Variants in BMPR1B observed in about 807,000 individuals in gnomAD.
BMPR1B encodes bone morphogenetic protein receptor type 1B, also known as bone morphogenetic protein receptor type-1B.
BMPR1B carries 12 observed loss-of-function variants against 59.1 expected under a neutral mutation model. That is an observed-to-expected ratio of 0.20 (90% CI 0.13 to 0.33). BMPR1B has a LOEUF of 0.33. BMPR1B is among the 10% of genes least tolerant of loss of function. The pLI is 1.00. For missense variants in BMPR1B, 550 were observed against 610.9 expected (o/e 0.90, Z 1.05); for synonymous variants, 237 against 207.3 (o/e 1.14, Z -1.23).
intron 1 of BMPR1B, among the ~76,000 whole-genome samples, chr4:94,780,893 T>A (rs925236170): frequency 2.6e-5 from 4 of 152,032 alleles, no homozygotes; most frequent in Non-Finnish European, 4.4e-5. Flanking sequence ...TTTCACCGTG[T>A]TAGCCAGGAT....
In BMPR1B at chr4:94,911,678, C is replaced by T. The variant is rs544570320; in HGVS notation, c.-113+35778C>T. 7.2e-5 allele frequency among the ~76,000 whole-genome samples: 11 copies of T among 152,128 alleles called. No homozygotes were observed. In the South Asian group the frequency reaches 1.2e-3, roughly 17 times the overall value. On this transcript the variant is annotated intron_variant, in intron 2 of 12. Transcript: ENST00000515059. Reference sequence around the variant, plus strand: ...TTGCACAAGTGAATGTAAATTAAGCCGTGATAACTGATATCTCAAAGTTGG... The same window carrying T: ...TTGCACAAGTGAATGTAAATTAAGCTGTGATAACTGATATCTCAAAGTTGG...
chr4:95,155,233 C>G lies in BMPR1B; in HGVS notation c.*560C>G, dbSNP rs1335486262. 6.4e-6 allele frequency: 1 copy of G among 155,442 alleles called. No individual in the cohort carries two copies. Among genetic ancestry groups the G allele is most frequent in the African/African-American group, 2.4e-5 (1 of 41,416 alleles). 9.6% of individuals were successfully genotyped at this position (155,442 alleles called of 1,614,324 possible). On this transcript the variant is annotated 3_prime_UTR_variant, in exon 13 of 13. Transcript: ENST00000515059. ...GGCCTCCTCAGACCACTTTGGCCAT[C>G]CCTGCATTTGGGGCCGCTATGGTAA...
chr4:94,790,802 T>G (rs1284040277), intron 1 of BMPR1B, among the ~76,000 whole-genome samples: 1 of 152,204 alleles, frequency 6.6e-6, no homozygotes, highest in Non-Finnish European at 1.5e-5. Flanking sequence ...CACATTTTAG[T>G]TTTTTACCTC....
At chr4:95,064,682 A>G (rs182142483) in intron 3 of BMPR1B, among the ~76,000 whole-genome samples, 430 of 152,312 alleles carry the variant, frequency 2.8e-3, no homozygotes, top group Non-Finnish European at 5.2e-3. Flanking sequence ...TTACAAATTA[A>G]TAATAAAAAG....
intron 3 of BMPR1B, among the ~76,000 whole-genome samples, chr4:95,021,875 C>T (rs6831697): frequency 0.33 from 50,821 of 152,054 alleles, 8,546 homozygotes; most frequent in Middle Eastern, 0.45. Context: ...TGGCAAAGCA[C>T]GTTCTATCTA....
intron 3 of BMPR1B, among the ~76,000 whole-genome samples, chr4:95,014,601 A>G (rs1264152729): frequency 1.3e-5 from 2 of 152,166 alleles, no homozygotes; most frequent in South Asian, 2.1e-4. Flanking sequence ...TGCATTCTCT[A>G]TTTTATGTAG....
chr4:95,075,749 A>AAG (rs1436460740), intron 3 of BMPR1B, among the ~76,000 whole-genome samples: 2 of 151,448 alleles, frequency 1.3e-5, no homozygotes, highest in Non-Finnish European at 2.9e-5. Context: ...ACTTTATAGA[A>AAG]CACAGTCAGT....
intron 2 of BMPR1B, among the ~76,000 whole-genome samples, chr4:94,994,740 T>C (rs1489247469): frequency 6.6e-6 from 1 of 152,160 alleles, no homozygotes; most frequent in African/African-American, 2.4e-5. Context: ...TTATTTTTCT[T>C]CTATGCTGGT....
chr4:94,932,333 T>A (rs1310575954), intron 2 of BMPR1B, among the ~76,000 whole-genome samples: 1 of 152,170 alleles, frequency 6.6e-6, no homozygotes, highest in Non-Finnish European at 1.5e-5. Context: ...AAGGTATCTG[T>A]AAGTGATAGG....
rs540836982 is a variant in BMPR1B at position 95,068,492 on chromosome 4, T to C, written c.-17-35916T>C. 1.8e-3 allele frequency among the ~76,000 whole-genome samples: 272 copies of C among 152,204 alleles called. 1 individual carries two copies. The highest frequency in any genetic ancestry group is 6.4e-3 in the African/African-American group (265 of 41,544). On this transcript the variant is annotated intron_variant, in intron 3 of 12. Coordinates refer to ENST00000515059, the MANE Select transcript of BMPR1B (RefSeq NM_001203.3). ...AGGTGGAACTGAACACTATCTCATC[T>C]CCTGGCCTCCTGTCATGGACCCTCT...
chr4:95,106,428 ATGATCT>A (rs1001490629), intron 4 of BMPR1B, among the ~76,000 whole-genome samples: 1 of 152,096 alleles, frequency 6.6e-6, no homozygotes, highest in Non-Finnish European at 1.5e-5. Context: ...GTGCAAGAAA[ATGATCT>A]TGAGCTAGGG....
chr4:95,102,735 C>G (rs1360459980), intron 3 of BMPR1B, among the ~76,000 whole-genome samples: 1 of 152,082 alleles, frequency 6.6e-6, no homozygotes, highest in Admixed American at 6.6e-5. Context: ...ACTATTTAAC[C>G]TCACTTTATT....
intron 1 of BMPR1B, among the ~76,000 whole-genome samples, chr4:94,798,063 T>G (rs993098706): frequency 1.3e-4 from 20 of 152,358 alleles, no homozygotes; most frequent in East Asian, 1.9e-4. Flanking sequence ...CATTTGTGAT[T>G]ATTATTTTGT....
At chr4:94,925,725 A>G (rs888683973) in intron 2 of BMPR1B, among the ~76,000 whole-genome samples, 3 of 152,138 alleles carry the variant, frequency 2.0e-5, no homozygotes, top group African/African-American at 7.2e-5. Flanking sequence ...GGGAATTTGG[A>G]TATTTGTAAG....
At chr4:94,798,214 T>A (rs1723267865) in intron 1 of BMPR1B, among the ~76,000 whole-genome samples, 2 of 152,224 alleles carry the variant, frequency 1.3e-5, no homozygotes, top group South Asian at 4.1e-4. Context: ...ATTGATATAT[T>A]ATGTGCTTGG....
Position 94,978,178 on chromosome 4 carries a change from C to A in BMPR1B, c.-112-17862C>A, listed in dbSNP as rs375068587. Among the ~76,000 whole-genome samples the A allele has an allele frequency of 2.4e-4, 37 of 152,334 alleles. No homozygotes were observed. The South Asian group carries it at 7.0e-3, about 29-fold the overall frequency. On this transcript the variant is annotated intron_variant, in intron 2 of 12. Coordinates refer to ENST00000515059, the MANE Select transcript of BMPR1B (RefSeq NM_001203.3). Reference sequence around the variant, plus strand: ...ATTTTTTTTATTATAGCACTCACTTCTGCTATCAAAGTATGTTCCAGTTAT... The same window carrying A: ...ATTTTTTTTATTATAGCACTCACTTATGCTATCAAAGTATGTTCCAGTTAT...
At chr4:94,860,524 A>C (rs766316475) in intron 1 of BMPR1B, among the ~76,000 whole-genome samples, 37 of 152,196 alleles carry the variant, frequency 2.4e-4, no homozygotes, top group Middle Eastern at 6.3e-3. Flanking sequence ...TTAAAAACTG[A>C]GGCTGAAGGA....
At chr4:94,809,033 C>T (rs749337605) in intron 1 of BMPR1B, among the ~76,000 whole-genome samples, 2 of 151,964 alleles carry the variant, frequency 1.3e-5, no homozygotes, top group South Asian at 4.2e-4. Flanking sequence ...CCAGCCTGGG[C>T]GATAGAGCAA....
In BMPR1B at chr4:95,083,422, A is replaced by C. The variant is rs192736409; in HGVS notation, c.-17-20986A>C. Among the ~76,000 whole-genome samples the C allele has an allele frequency of 4.5e-4, 68 of 152,314 alleles. No individual in the cohort carries two copies. The Middle Eastern group carries it at 0.014, about 30-fold the overall frequency. On this transcript the variant is annotated intron_variant, in intron 3 of 12. Transcript: ENST00000515059. Reference sequence around the variant, plus strand: ...GGCTGATATTTGTTGTAGAAGCAAAAAAAAATTTACAGTGTTTTTCAAACC... The same window carrying C: ...GGCTGATATTTGTTGTAGAAGCAAACAAAAATTTACAGTGTTTTTCAAACC...
Sources: allele counts gnomAD v4.1 joint callset (sites outside exome capture counted in the v4.1 genomes callset), GRCh38; gene constraint gnomAD v4.1.1; transcripts MANE v1.5; gene names NCBI Gene and HGNC (gene_info 2026-07-23, HGNC 2026-07-21).